Variants in CPE observed in about 807,000 individuals in gnomAD.
CPE encodes carbocypeptidase E.
CPE carries 17 observed loss-of-function variants against 53.5 expected under a neutral mutation model. That is an observed-to-expected ratio of 0.32 (90% confidence interval 0.22 to 0.48). The LOEUF is 0.48. Ranked by LOEUF, CPE falls within the 20% of genes least tolerant of loss-of-function variation. CPE has a pLI of 0.99. For missense variants in CPE, 524 were observed against 614.7 expected (o/e 0.85, Z 1.56); for synonymous variants, 226 against 228.8 (o/e 0.99, Z 0.11).
intron 1 of CPE, among the ~76,000 whole-genome samples, chr4:165,441,883 A>C (rs1463668039): frequency 6.6e-6 from 1 of 152,208 alleles, no homozygotes; most frequent in Non-Finnish European, 1.5e-5. Flanking sequence ...TGGTAGAGGA[A>C]GTAGGAATGC....
rs1328639746 is a variant in CPE at position 165,487,491 on chromosome 4, C to T, written c.1027C>T (p.Leu343Phe). Residue 343 changes from leucine (L) to phenylalanine (F), a missense_variant, in exon 6 of 9, where the codon CTT (leucine) becomes TTT (phenylalanine). Leu to Phe is a conservative substitution (Grantham distance 22, BLOSUM62 0). Transcript: ENST00000402744. ...SSNCFEITVE[L>F]SCEKFPPEET... ...CAACTGTTTTGAGATCACCGTGGAG[C>T]TTAGCTGTGAGAAGTTCCCACCTGA... 1 of 1,614,006 alleles carries T rather than the reference C, an allele frequency of 6.2e-7. No homozygotes were observed. Among genetic ancestry groups the T allele is most frequent in the Non-Finnish European group, 8.5e-7 (1 of 1,180,016 alleles).
At chr4:165,405,417 T>C in intron 1 of CPE, 1 of 923,780 alleles carries the variant, frequency 1.1e-6, no homozygotes, top group Non-Finnish European at 1.8e-6. Flanking sequence ...CCAGCATCGC[T>C]CCCTTGCTCA....
At chr4:165,412,316 C>A (rs1013240285) in intron 1 of CPE, among the ~76,000 whole-genome samples, 1 of 152,018 alleles carries the variant, frequency 6.6e-6, no homozygotes, top group Non-Finnish European at 1.5e-5. Context: ...CATTAAATAT[C>A]TTTTTTAAGT....
At chr4:165,438,272 G>A (rs1010826502) in intron 1 of CPE, among the ~76,000 whole-genome samples, 1 of 152,088 alleles carries the variant, frequency 6.6e-6, no homozygotes, top group African/African-American at 2.4e-5. Context: ...AGCAATATTG[G>A]CGAAGTTTGA....
At chr4:165,413,982 A>C (rs985442615) in intron 1 of CPE, among the ~76,000 whole-genome samples, 12 of 152,240 alleles carry the variant, frequency 7.9e-5, no homozygotes, top group South Asian at 2.1e-4. Context: ...TGATATGGAC[A>C]AGAAAAATCG....
intron 1 of CPE, among the ~76,000 whole-genome samples, chr4:165,395,928 T>C (rs1169495322): frequency 6.6e-6 from 1 of 152,204 alleles, no homozygotes; most frequent in African/African-American, 2.4e-5. Context: ...TCCCTTCTCT[T>C]AAGTAAACAA....
chr4:165,453,315 C>G (rs771253023), intron 1 of CPE, among the ~76,000 whole-genome samples: 7 of 150,718 alleles, frequency 4.6e-5, no homozygotes, highest in Non-Finnish European at 7.4e-5. Context: ...CTTTTTCCTT[C>G]CTTCCTTCCT....
intron 1 of CPE, among the ~76,000 whole-genome samples, chr4:165,437,605 C>G (rs1295073242): frequency 1.3e-5 from 2 of 152,030 alleles, no homozygotes; most frequent in African/African-American, 4.8e-5. Context: ...CTAATGACCT[C>G]AATTAGATAT....
intron 1 of CPE, among the ~76,000 whole-genome samples, chr4:165,456,915 A>AT (rs1731912890): frequency 6.6e-6 from 1 of 151,620 alleles, no homozygotes; most frequent in Non-Finnish European, 1.5e-5. Context: ...TAATCTTTGT[A>AT]TTTTTAGTAG....
intron 3 of CPE, among the ~76,000 whole-genome samples, chr4:165,476,409 C>A (rs140076336): frequency 6.6e-6 from 1 of 152,044 alleles, no homozygotes; most frequent in East Asian, 1.9e-4. Context: ...ACTGAAGCTG[C>A]GCACATGCTC....
chr4:165,447,399 C>T (rs1482150347), intron 1 of CPE, among the ~76,000 whole-genome samples: 18 of 151,922 alleles, frequency 1.2e-4, no homozygotes, highest in Non-Finnish European at 1.8e-4. Flanking sequence ...GGCGAAACCC[C>T]GTCTCTACTA....
intron 1 of CPE, among the ~76,000 whole-genome samples, chr4:165,432,234 G>A (rs942318569): frequency 1.3e-5 from 2 of 152,154 alleles, no homozygotes; most frequent in Admixed American, 6.5e-5. Flanking sequence ...CACTGATGAC[G>A]GATGTGCTAG....
rs140816537 is a variant in CPE at position 165,497,573 on chromosome 4, A to G, written c.1394A>G (p.Glu465Gly). ...RKEEEKEELM[E>G]WWKMMSETLN... ...GAAGAGGAGAAGGAAGAATTGATGG[A>G]ATGGTGGAAAATGATGTCAGAAACT... Residue 465 changes from glutamate (E) to glycine (G), a missense_variant, in exon 9 of 9, where the codon GAA becomes GGA. Transcript: ENST00000402744. 4.0e-4 allele frequency: 630 copies of G among 1,574,956 alleles called. 2 individuals are homozygous for G. The highest frequency in any genetic ancestry group is 1.8e-3 in the South Asian group (144 of 81,926).
intron 1 of CPE, among the ~76,000 whole-genome samples, chr4:165,388,758 C>G (rs1730637242): frequency 6.6e-6 from 1 of 151,246 alleles, no homozygotes; most frequent in Admixed American, 6.6e-5. Context: ...AAATGAAATA[C>G]TTTTTGTCCT....
chr4:165,467,587 T>A, intron 2 of CPE, 101 bp from the exon 3 acceptor site: 2 of 1,119,076 alleles, frequency 1.8e-6, no homozygotes, highest in South Asian at 1.7e-5. Context: ...AAGTAAATAA[T>A]CTTAATAGTT....
At chr4:165,450,886 T>TTTG (rs1310663788) in intron 1 of CPE, among the ~76,000 whole-genome samples, 5 of 152,104 alleles carry the variant, frequency 3.3e-5, no homozygotes, top group Non-Finnish European at 4.4e-5. Flanking sequence ...CACTCAAGTT[T>TTTG]TTGTTGTTGT....
intron 1 of CPE, among the ~76,000 whole-genome samples, chr4:165,383,762 T>C (rs1476016377): frequency 6.6e-6 from 1 of 152,240 alleles, no homozygotes. Flanking sequence ...TTGTATGGCG[T>C]CTTTTTATAG....
intron 1 of CPE, among the ~76,000 whole-genome samples, chr4:165,410,274 C>T (rs112856755): frequency 0.019 from 2,836 of 149,342 alleles, 84 homozygotes; most frequent in African/African-American, 0.064. Flanking sequence ...GAGATTTTAA[C>T]AGGTCAATCT....
intron 3 of CPE, among the ~76,000 whole-genome samples, chr4:165,479,125 A>AT (rs551039722): frequency 1.4e-3 from 211 of 152,376 alleles, no homozygotes; most frequent in African/African-American, 4.9e-3. Context: ...TGAATAGAAT[A>AT]TTATAGAAGA....
Sources: gnomAD v4.1 joint callset for allele counts (sites outside exome capture counted in the v4.1 genomes callset) on GRCh38, gnomAD v4.1.1 for gene constraint, MANE v1.5 for transcripts, NCBI Gene and HGNC (gene_info 2026-07-23, HGNC 2026-07-21) for gene names.